RO60: variants seen among roughly 807,000 people sequenced by gnomAD.
RO60 encodes the protein Ro60, Y RNA binding protein.
RO60 carries 20 observed loss-of-function variants against 55.3 expected under a neutral mutation model. That is an observed-to-expected ratio of 0.36 (90% confidence interval 0.25 to 0.53). The LOEUF is 0.53. Ranked by LOEUF, RO60 falls within the 20% of genes least tolerant of loss-of-function variation. RO60 has a pLI of 0.92. For synonymous variants in RO60, 213 were observed against 213.6 expected (o/e 1.00, Z 0.02); for missense variants, 558 against 646.6 (o/e 0.86, Z 1.49).
intron 1 of RO60, among the ~76,000 whole-genome samples, chr1:193,060,949 G>A (rs1285397920): frequency 6.6e-6 from 1 of 152,012 alleles, no homozygotes; most frequent in Admixed American, 6.6e-5. Flanking sequence ...TGTTTTCTGT[G>A]CAAAATACAT....
chr1:193,071,547 C>T (rs1673500020), intron 2 of RO60, among the ~76,000 whole-genome samples: 1 of 151,790 alleles, frequency 6.6e-6, no homozygotes, highest in African/African-American at 2.4e-5. Context: ...ACAATGAAAA[C>T]ACTTGCATAG....
chr1:193,062,399 A>G (rs992776603), intron 1 of RO60, among the ~76,000 whole-genome samples: 2 of 152,314 alleles, frequency 1.3e-5, no homozygotes, highest in African/African-American at 4.8e-5. Context: ...TGTGTAATCA[A>G]TTGTATTGGT....
Position 193,086,562 on chromosome 1 carries a change from TA to T in RO60, c.*1832del, listed in dbSNP as rs1218679153. 2 of 152,174 alleles carry T rather than the reference TA, an allele frequency of 1.3e-5. No homozygotes were observed. Among genetic ancestry groups the T allele is most frequent in the African/African-American group, 4.8e-5 (2 of 41,452 alleles). 9.4% of individuals were successfully genotyped at this position (152,174 alleles called of 1,614,324 possible). On this transcript the variant is annotated 3_prime_UTR_variant, in exon 9 of 9. Transcript: ENST00000400968. The stretch of plus-strand genomic sequence containing the variant: ...GAAACTAATAGAATTACGTAATAGT[TA>T]TTGAATTGTTTAAGTAAACCCAAGA...
Position 193,081,433 on chromosome 1 carries a change from T to C in RO60, c.1156T>C (p.Leu386=). 2.5e-6 allele frequency: 4 copies of C among 1,611,448 alleles called. No individual in the cohort carries two copies. Among genetic ancestry groups the C allele is most frequent in the Non-Finnish European group, 3.4e-6 (4 of 1,178,374 alleles). ...CAGTGCTTCTATGAACCAAAGAGTT[T>C]TGGGTAGTATACTCAACGCTAGTAC... ...DVSASMNQRV[L]GSILNASTVA... is the part of the protein sequence containing the mutation. Residue 386 remains leucine (L), a synonymous_variant, in exon 6 of 9, where the codon TTG becomes CTG. Coordinates refer to ENST00000400968, the MANE Select transcript of RO60 (RefSeq NM_001173524.2).
intron 1 of RO60, among the ~76,000 whole-genome samples, chr1:193,064,451 CTCTTA>C (rs1672981054): frequency 6.6e-6 from 1 of 152,208 alleles, no homozygotes; most frequent in Non-Finnish European, 1.5e-5. Flanking sequence ...CAGGTACTCT[CTCTTA>C]TAAGATGCCA....
chr1:193,065,516 A>C (rs528327217), intron 1 of RO60, among the ~76,000 whole-genome samples: 1 of 152,348 alleles, frequency 6.6e-6, no homozygotes, highest in South Asian at 2.1e-4. Flanking sequence ...GCCTGTTTTT[A>C]TGAAAGCTGA....
chr1:193,079,995 G>A (rs1343270032), intron 5 of RO60, among the ~76,000 whole-genome samples: 8 of 151,626 alleles, frequency 5.3e-5, no homozygotes, highest in Non-Finnish European at 1.2e-4. Flanking sequence ...GCTGAGTGTG[G>A]TGGCGGGCGC....
chr1:193,091,601 T>G, downstream of RO60: 1 of 1,477,534 alleles, frequency 6.8e-7, no homozygotes, highest in South Asian at 1.2e-5. Flanking sequence ...ATTTGTTTCA[T>G]GATAAAACAG....
At position 193,089,194 on chromosome 1, in the gene RO60, A is replaced by G. The variant is rs1674751048; in HGVS notation, c.*4463A>G. 6.6e-6 allele frequency: 1 copy of G among 152,184 alleles called. No individual in the cohort carries two copies. 9.4% of individuals were successfully genotyped at this position (152,184 alleles called of 1,614,324 possible). On this transcript the variant is annotated 3_prime_UTR_variant, in exon 9 of 9. Transcript: ENST00000400968. The stretch of plus-strand genomic sequence containing the variant: ...TTCAGCCTTTGTAATTATGTTATCT[A>G]GCTATGTTGAAAAGATAAGTGCTTA...
chr1:193,083,145 G>A (rs551644601), intron 8 of RO60, among the ~76,000 whole-genome samples: 2 of 152,222 alleles, frequency 1.3e-5, no homozygotes, highest in Admixed American at 6.5e-5. Context: ...AGACTCAGCA[G>A]TACTTAAAAT....
rs1674606581 is a variant in RO60 at position 193,085,960 on chromosome 1, C to A, written c.*1229C>A. The A allele has an allele frequency of 3.5e-5, 34 of 985,252 alleles. No homozygotes were observed. The highest frequency in any genetic ancestry group is 4.0e-5 in the Non-Finnish European group (33 of 829,826). The allele number at this position is 985,252 out of a possible 1,614,324, so 61.0% of individuals were successfully genotyped here. ...AAGTATCCTTCATTGTGAGGTTTAA[C>A]ATTAAAGCAATCTGTTGAAATGCCA... On this transcript the variant is annotated 3_prime_UTR_variant, in exon 9 of 9. Transcript: ENST00000400968.
In RO60 at chr1:193,082,822, T is replaced by C. The variant is rs926018134; in HGVS notation, c.1464+114T>C. The C allele has an allele frequency of 1.0e-5, 9 of 886,880 alleles. No homozygotes were observed. The African/African-American group carries it at 1.6e-4, about 15-fold the overall frequency. 54.9% of individuals were successfully genotyped at this position (886,880 alleles called of 1,614,324 possible). On this transcript the variant is annotated intron_variant, in intron 8 of 8. Coordinates refer to ENST00000400968, the MANE Select transcript of RO60 (RefSeq NM_001173524.2). ...TTCTGTTGCCCTGGCTGGAGTGCAG[T>C]GGCTCAGTCATAGCTCACTGCAACC...
chr1:193,072,343 C>G (rs1188043729), intron 2 of RO60, among the ~76,000 whole-genome samples: 2 of 152,080 alleles, frequency 1.3e-5, no homozygotes, highest in Non-Finnish European at 2.9e-5. Flanking sequence ...TGGATAGAAA[C>G]TGTTCTAAGA....
At chr1:193,072,961 C>G (rs1328367733) in intron 2 of RO60, among the ~76,000 whole-genome samples, 3 of 152,138 alleles carry the variant, frequency 2.0e-5, no homozygotes, top group South Asian at 2.1e-4. Context: ...GAATCCCTAG[C>G]ATTTCAAAGC....
chr1:193,066,593 G>T (rs1442494258), intron 1 of RO60, among the ~76,000 whole-genome samples: 1 of 151,960 alleles, frequency 6.6e-6, no homozygotes, highest in African/African-American at 2.4e-5. Flanking sequence ...ATTCTCTGTC[G>T]GTTTTCTTCA....
chr1:193,075,737 C>T, intron 2 of RO60, 83 bp from the exon 3 acceptor site: 16 of 995,052 alleles, frequency 1.6e-5, no homozygotes, highest in Non-Finnish European at 2.3e-5. Context: ...TTATGTTGAT[C>T]ATATAATGCA....
intron 1 of RO60, among the ~76,000 whole-genome samples, chr1:193,062,232 A>G (rs750898862): frequency 7.2e-5 from 11 of 152,148 alleles, no homozygotes; most frequent in Non-Finnish European, 1.5e-4. Flanking sequence ...TCACTGCCCA[A>G]TTGCCTTCTA....
chr1:193,082,485 A>G, intron 7 of RO60, 77 bp from the exon 8 acceptor site: 1 of 1,531,070 alleles, frequency 6.5e-7, no homozygotes, highest in Admixed American at 1.7e-5. Context: ...TATTGGTGCT[A>G]AACAAAATGA....
At position 193,085,172 on chromosome 1, in the gene RO60, T is replaced by C. The variant is rs1674569178; in HGVS notation, c.*441T>C. 1.6e-6 allele frequency: 2 copies of C among 1,238,020 alleles called. No individual in the cohort carries two copies. Among genetic ancestry groups the C allele is most frequent in the Admixed American group, 3.9e-5 (1 of 25,452 alleles). The allele number at this position is 1,238,020 out of a possible 1,614,324, so 76.7% of individuals were successfully genotyped here. ...TGAAATGCACTAGACCATATAACTG[T>C]GATGAAATATGAAACTCATCTGTAA... On this transcript the variant is annotated 3_prime_UTR_variant, in exon 9 of 9. Coordinates refer to ENST00000400968, the MANE Select transcript of RO60 (RefSeq NM_001173524.2).
Sources: gnomAD v4.1 joint callset for allele counts (sites outside exome capture counted in the v4.1 genomes callset) on GRCh38, gnomAD v4.1.1 for gene constraint, MANE v1.5 for transcripts, NCBI Gene and HGNC (gene_info 2026-07-23, HGNC 2026-07-21) for gene names.